HDAC9: variants seen among roughly 807,000 people sequenced by gnomAD.
HDAC9 encodes MEF-2 interacting transcription repressor (MITR) protein.
HDAC9 carries 41 observed loss-of-function variants against 139.4 expected under a neutral mutation model. The ratio of observed to expected loss-of-function variants is 0.29; its 90% confidence interval spans 0.23 to 0.38. The LOEUF is 0.38. Ranked by LOEUF, HDAC9 falls within the 10% of genes least tolerant of loss-of-function variation. HDAC9 has a pLI of 1.00. For synonymous variants in HDAC9, 517 were observed against 476.2 expected (o/e 1.09, Z -1.12); for missense variants, 1,147 against 1,297.0 (o/e 0.88, Z 1.78).
At chr7:18,260,340 G>A (rs2128206174) in intron 2 of HDAC9, among the ~76,000 whole-genome samples, 1 of 117,810 alleles carries the variant, frequency 8.5e-6, no homozygotes, top group Non-Finnish European at 1.7e-5. Flanking sequence ...TTTTTTTTGA[G>A]ATGGAGTGAA....
intron 17 of HDAC9, among the ~76,000 whole-genome samples, chr7:18,809,895 G>T (rs1309878946): frequency 6.6e-6 from 1 of 151,910 alleles, no homozygotes; most frequent in Non-Finnish European, 1.5e-5. Flanking sequence ...TTGAAATCAG[G>T]ATCTTCAAGT....
intron 13 of HDAC9, among the ~76,000 whole-genome samples, chr7:18,745,841 C>T (rs796454149): frequency 3.3e-5 from 5 of 149,410 alleles, no homozygotes; most frequent in South Asian, 2.1e-4. Flanking sequence ...CCACCGTGCC[C>T]GGCCCGACTC....
At chr7:18,106,182 A>G (rs1209482566) in intron 1 of HDAC9, among the ~76,000 whole-genome samples, 4 of 152,214 alleles carry the variant, frequency 2.6e-5, no homozygotes, top group Admixed American at 2.6e-4. Flanking sequence ...TCACTGAATT[A>G]TATAGATTAA....
chr7:18,594,884 A>G (rs1832036349), intron 6 of HDAC9, among the ~76,000 whole-genome samples: 1 of 152,104 alleles, frequency 6.6e-6, no homozygotes, highest in Non-Finnish European at 1.5e-5. Context: ...ATATTCATGT[A>G]AGATAGCTTG....
At chr7:18,288,939 T>C (rs770006008), upstream of HDAC9, among the ~76,000 whole-genome samples, 5 of 152,148 alleles carry the variant, frequency 3.3e-5, no homozygotes, top group Non-Finnish European at 5.9e-5. Flanking sequence ...GGGGAAGCTG[T>C]TAAGAGTTTT....
intron 22 of HDAC9, among the ~76,000 whole-genome samples, chr7:18,885,431 A>G (rs1800067274): frequency 6.6e-6 from 1 of 152,174 alleles, no homozygotes; most frequent in African/African-American, 2.4e-5. Context: ...GATAATATAT[A>G]CATAGTACCT....
intron 2 of HDAC9, among the ~76,000 whole-genome samples, chr7:18,191,894 A>G (rs1790371999): frequency 6.6e-6 from 1 of 152,248 alleles, no homozygotes; most frequent in South Asian, 2.1e-4. Context: ...GACAAGCACA[A>G]ATACTGTTAG....
intron 16 of HDAC9, among the ~76,000 whole-genome samples, chr7:18,783,517 G>T (rs1322184455): frequency 1.3e-5 from 2 of 152,080 alleles, no homozygotes; most frequent in Non-Finnish European, 2.9e-5. Flanking sequence ...CTTGTCCTCA[G>T]GCAGAGGCTG....
chr7:18,571,571 C>T (rs1824292018), intron 2 of HDAC9, among the ~76,000 whole-genome samples: 1 of 152,064 alleles, frequency 6.6e-6, no homozygotes, highest in Admixed American at 6.5e-5. Flanking sequence ...AAAGCCAGTG[C>T]AGTCCTATAT....
At chr7:18,732,778 T>TACAC (rs1397286114) in intron 13 of HDAC9, among the ~76,000 whole-genome samples, 2 of 84,266 alleles carry the variant, frequency 2.4e-5, no homozygotes, top group African/African-American at 1.4e-4. Context: ...TGCGTATGTG[T>TACAC]ACACACACGT....
intron 1 of HDAC9, among the ~76,000 whole-genome samples, chr7:18,387,211 G>C (rs1282461866): frequency 1.3e-5 from 2 of 152,114 alleles, no homozygotes; most frequent in African/African-American, 4.8e-5. Context: ...CTGGATCAAG[G>C]GGGGAATCTA....
intron 22 of HDAC9, among the ~76,000 whole-genome samples, chr7:18,921,626 G>C (rs941882840): frequency 1.8e-4 from 27 of 152,152 alleles, no homozygotes; most frequent in Non-Finnish European, 3.4e-4. Context: ...TTACACTGTT[G>C]GTGGGACTGT....
intron 15 of HDAC9, among the ~76,000 whole-genome samples, chr7:18,765,172 C>T (rs536635440): frequency 1.6e-4 from 25 of 152,194 alleles, no homozygotes; most frequent in African/African-American, 5.8e-4. Flanking sequence ...TTGCCCATTT[C>T]TAAATTTAAA....
chr7:18,745,250 T>A (rs955221698), intron 13 of HDAC9, among the ~76,000 whole-genome samples: 2 of 152,202 alleles, frequency 1.3e-5, no homozygotes, highest in African/African-American at 4.8e-5. Flanking sequence ...CAGTGATACA[T>A]CATTAGGATG....
rs189023875 is a variant in HDAC9, at chr7:18,381,827, T to A, written c.-42+91312T>A. Among the ~76,000 whole-genome samples the A allele has an allele frequency of 2.1e-3, 318 of 152,316 alleles. 1 individual carries two copies. Among genetic ancestry groups the A allele is most frequent in the African/African-American group, 7.0e-3 (292 of 41,570 alleles). On this transcript the variant is annotated intron_variant, in intron 1 of 3. Coordinates refer to the HDAC9 transcript ENST00000413509. ...CAGGGTTTGGCAGTATATTTAACGT[T>A]ACAAAATATTTTAGCTTCTTACTTT...
chr7:18,241,290 A>G (rs1284560135), intron 2 of HDAC9, among the ~76,000 whole-genome samples: 1 of 152,208 alleles, frequency 6.6e-6, no homozygotes, highest in Non-Finnish European at 1.5e-5. Flanking sequence ...AATGTGATCT[A>G]ATGGTCTCTT....
At chr7:18,537,118 T>A (rs1401590717) in intron 2 of HDAC9, among the ~76,000 whole-genome samples, 1 of 152,194 alleles carries the variant, frequency 6.6e-6, no homozygotes, top group African/African-American at 2.4e-5. Context: ...AGCAAACATT[T>A]TAAGTGTATC....
At chr7:18,408,422 A>C (rs1233352192) in intron 1 of HDAC9, among the ~76,000 whole-genome samples, 1 of 152,196 alleles carries the variant, frequency 6.6e-6, no homozygotes, top group Admixed American at 6.5e-5. Context: ...CAGATGCTAT[A>C]ATAATAATTC....
chr7:18,290,355 T>C, upstream of HDAC9: 1 of 417,812 alleles, frequency 2.4e-6, no homozygotes, highest in East Asian at 7.1e-5. Flanking sequence ...CAGGTACTAT[T>C]TAACCAGTGG....
Sources: allele counts gnomAD v4.1 joint callset (sites outside exome capture counted in the v4.1 genomes callset), GRCh38; gene constraint gnomAD v4.1.1; transcripts MANE v1.5; gene names NCBI Gene and HGNC (gene_info 2026-07-23, HGNC 2026-07-21).